SH3BGR: variants seen among roughly 807,000 people sequenced by gnomAD.
The protein encoded by SH3BGR is SH3 domain binding glutamate rich protein.
SH3BGR carries 29 observed loss-of-function variants against 24.5 expected under a neutral mutation model. The observed-to-expected ratio is 1.18, with a 90% confidence interval of 0.88 to 1.61. The LOEUF is 1.61. SH3BGR is among the 40% of genes most tolerant of loss of function. The pLI is 0.00. For synonymous variants in SH3BGR, 55 were observed against 65.7 expected, an observed-to-expected ratio of 0.84 and a Z score of 0.79; for missense variants, 162 against 205.8, an observed-to-expected ratio of 0.79 and a Z score of 1.30.
At chr21:39,461,563 A>T (rs1386804952) in intron 1 of SH3BGR, among the ~76,000 whole-genome samples, 3 of 152,226 alleles carry the variant, frequency 2.0e-5, no homozygotes, top group African/African-American at 7.2e-5. Context: ...AGGAAATAAC[A>T]TTCAGAAAAA....
intron 1 of SH3BGR, among the ~76,000 whole-genome samples, chr21:39,461,675 T>G (rs1237472217): frequency 2.6e-5 from 4 of 152,170 alleles, no homozygotes; most frequent in African/African-American, 9.7e-5. Flanking sequence ...GAAGCTTGTC[T>G]GCTGTCAATG....
In SH3BGR at chr21:39,515,303, A is replaced by AT. The variant is rs111236770; in HGVS notation, c.*259dup. 286 of 247,400 alleles carry AT rather than the reference A, an allele frequency of 1.2e-3. No individual in the cohort carries two copies. The highest frequency in any genetic ancestry group is 3.0e-3 in the African/African-American group (128 of 43,324). The allele number at this position is 247,400 out of a possible 1,614,324, so 15.3% of individuals were successfully genotyped here. Reference sequence around the variant, plus strand: ...TGCCTGACAGTCTTGGCTTTTGAAGATTTTTTTTTCTTTTTTGCTCTGCAT... The same window carrying AT: ...TGCCTGACAGTCTTGGCTTTTGAAGATTTTTTTTTTCTTTTTTGCTCTGCAT... On this transcript the variant is annotated 3_prime_UTR_variant, in exon 7 of 7. Transcript: ENST00000333634.
Position 39,475,143 on chromosome 21 carries a change from CTCTT to C in SH3BGR, c.245_248del (p.Phe82SerfsTer67), listed in dbSNP as rs1220466416. ...TTTTTCTTTGCTTCAAGGATTTTGA[CTCTT>C]TCTTCTCTGCAAAAGAAGAGAATAT... On this transcript the variant is annotated frameshift_variant, in exon 3 of 7. Transcript: ENST00000333634. LOFTEE classifies it high-confidence loss of function. 2 of 1,605,356 alleles carry C rather than the reference CTCTT, an allele frequency of 1.2e-6. No homozygotes were observed. The highest frequency in any genetic ancestry group is 1.3e-5 in the African/African-American group (1 of 74,882).
In SH3BGR at chr21:39,452,046, G is replaced by T. The variant is rs368501968; in HGVS notation, c.-51G>T. On this transcript the variant is annotated 5_prime_UTR_variant, in exon 1 of 7. Transcript: ENST00000333634. The stretch of plus-strand genomic sequence containing the variant: ...TCACTGTCAGGATTTGTCTAGCGGC[G>T]CATTCCCTGACAGGGGTGTGTTGGG... 1.6e-5 allele frequency: 26 copies of T among 1,614,024 alleles called. No homozygotes were observed. Among genetic ancestry groups the T allele is most frequent in the Non-Finnish European group, 2.1e-5 (25 of 1,180,042 alleles).
chr21:39,493,077 C>T (rs113173021), intron 3 of SH3BGR, among the ~76,000 whole-genome samples: 5,018 of 152,260 alleles, frequency 0.033, 88 homozygotes, highest in Middle Eastern at 0.071. Context: ...TGTCTGTTTA[C>T]TATGCTGACT....
At chr21:39,490,834 A>G (rs7277107) in intron 3 of SH3BGR, among the ~76,000 whole-genome samples, 84,331 of 151,428 alleles carry the variant, frequency 0.56, 23,875 homozygotes, top group East Asian at 0.68. Context: ...CCAGGCTAAA[A>G]TGATGCCCCT....
At chr21:39,451,751 C>A, upstream of SH3BGR, 1 of 943,540 alleles carries the variant, frequency 1.1e-6, no homozygotes, top group Non-Finnish European at 1.6e-6. Flanking sequence ...CTGCACAGGT[C>A]TCCGATTGGT....
At chr21:39,479,818 A>T (rs913017116) in intron 3 of SH3BGR, among the ~76,000 whole-genome samples, 4 of 152,118 alleles carry the variant, frequency 2.6e-5, no homozygotes, top group African/African-American at 9.7e-5. Context: ...TGGTTAAGTC[A>T]ATTATTACTC....
chr21:39,512,738 G>A (rs561170118), intron 6 of SH3BGR, among the ~76,000 whole-genome samples: 1 of 152,144 alleles, frequency 6.6e-6, no homozygotes, highest in Non-Finnish European at 1.5e-5. Context: ...GTTGCAGTGA[G>A]CCAAGATTGC....
rs1252317318 is a variant in SH3BGR, at chr21:39,515,071, T to C, written c.*35-17T>C. 1 of 468,982 alleles carries C rather than the reference T, an allele frequency of 2.1e-6. No individual in the cohort carries two copies. The highest frequency in any genetic ancestry group is 4.4e-6 in the Non-Finnish European group (1 of 226,136). The allele number at this position is 468,982 out of a possible 1,614,324, so 29.1% of individuals were successfully genotyped here. On this transcript the variant is annotated splice_polypyrimidine_tract_variant and intron_variant, in intron 6 of 6. Transcript: ENST00000333634. ...CTTTCTCTACAGTCTTTCCCTAATA[T>C]TTGCCTTTTCTTTTAGAAAATGGAA...
At chr21:39,510,944 T>C (rs2078680001) in intron 5 of SH3BGR, among the ~76,000 whole-genome samples, 1 of 140,934 alleles carries the variant, frequency 7.1e-6, no homozygotes, top group African/African-American at 2.6e-5. Flanking sequence ...TATATATATA[T>C]ATACTTTCTG....
At position 39,511,682 on chromosome 21, in the gene SH3BGR, G is replaced by A. The variant is rs778213439; in HGVS notation, c.438G>A (p.Thr146=). The change falls in exon 6 of 7, where the codon ACG becomes ACA. Residue 146 remains threonine, a splice_region_variant and synonymous_variant. Coordinates refer to ENST00000333634, the MANE Select transcript of SH3BGR (RefSeq NM_007341.3). This position sits in a 1 kb window ranked among gnomAD's most constrained non-coding sequence, Gnocchi z 4.2. ...AATGTAAGTTTTGTTAAAATAAGAC[G>A]GAAGAAATAGCCATGGAGGGTGCGG... ...EEEGETATEE[T]EEIAMEGAEG... is the part of the protein sequence containing the mutation. The A allele has an allele frequency of 1.6e-5, 26 of 1,610,536 alleles. No homozygotes were observed. The highest frequency in any genetic ancestry group is 1.2e-4 in the Admixed American group (7 of 59,464).
chr21:39,472,150 T>A (rs1471870361), intron 2 of SH3BGR, among the ~76,000 whole-genome samples: 2 of 151,786 alleles, frequency 1.3e-5, no homozygotes, highest in African/African-American at 4.9e-5. Flanking sequence ...TCTTAGTCTG[T>A]TTTGTGCTGC....
At position 39,492,569 on chromosome 21, in the gene SH3BGR, T is replaced by C. The variant is rs184790355; in HGVS notation, c.313-7254T>C. Among the ~76,000 whole-genome samples, 397 of 152,082 alleles carry C rather than the reference T, an allele frequency of 2.6e-3. 2 individuals are homozygous for C. Among genetic ancestry groups the C allele is most frequent in the African/African-American group, 8.9e-3 (369 of 41,468 alleles). On this transcript the variant is annotated intron_variant, in intron 3 of 6. Coordinates refer to ENST00000333634, the MANE Select transcript of SH3BGR (RefSeq NM_007341.3). ...GTTCCATATTTTGGCAATTGCGCATTGTGCTGCCATAAATGTGTGTGCAAG... is the reference window on the plus strand; with the variant it reads ...GTTCCATATTTTGGCAATTGCGCATCGTGCTGCCATAAATGTGTGTGCAAG...
At chr21:39,470,450 TAG>T (rs933979540) in intron 2 of SH3BGR, among the ~76,000 whole-genome samples, 88 of 151,980 alleles carry the variant, frequency 5.8e-4, no homozygotes, top group African/African-American at 2.1e-3. Flanking sequence ...TTAGTAGAGA[TAG>T]GGGTTCACCA....
intron 2 of SH3BGR, among the ~76,000 whole-genome samples, chr21:39,463,162 G>A (rs753474518): frequency 5.9e-5 from 9 of 152,184 alleles, no homozygotes; most frequent in Non-Finnish European, 1.0e-4. Context: ...GGGACTACAG[G>A]TGTGAGCCAC....
intron 2 of SH3BGR, among the ~76,000 whole-genome samples, chr21:39,469,817 G>A (rs910293121): frequency 9.9e-5 from 15 of 151,658 alleles, no homozygotes; most frequent in Non-Finnish European, 2.1e-4. Flanking sequence ...ACCACGCCCG[G>A]TTAATTTTTT....
chr21:39,464,853 G>A (rs551313110), intron 2 of SH3BGR, among the ~76,000 whole-genome samples: 35 of 152,150 alleles, frequency 2.3e-4, no homozygotes, highest in African/African-American at 8.0e-4. Flanking sequence ...GGGGATGGTG[G>A]TGATGAGGAA....
intron 3 of SH3BGR, among the ~76,000 whole-genome samples, chr21:39,490,335 AGTT>A (rs2078278522): frequency 6.6e-6 from 1 of 152,228 alleles, no homozygotes; most frequent in Admixed American, 6.5e-5. Context: ...TAACTATATC[AGTT>A]GTTCTAATAA....
Sources: allele counts gnomAD v4.1 joint callset (sites outside exome capture counted in the v4.1 genomes callset), GRCh38; gene constraint gnomAD v4.1.1; non-coding constraint Gnocchi (gnomAD v3.1); transcripts MANE v1.5; gene names NCBI Gene and HGNC (gene_info 2026-07-23, HGNC 2026-07-21).